Variants in ARHGEF4 observed in about 807,000 individuals in gnomAD.
ARHGEF4 encodes Rho guanine nucleotide exchange factor 4, also known as APC-stimulated guanine nucleotide exchange factor 1.
A neutral mutation model predicts 162.0 loss-of-function variants in ARHGEF4; 119 were observed. That is an observed-to-expected ratio of 0.73 (90% CI 0.63 to 0.86). The LOEUF is 0.86. Among genes scored for constraint, ARHGEF4 ranks in the 40% least tolerant of loss-of-function variants. The probability of loss-of-function intolerance (pLI) is 0.00; values close to 1 mark genes in which losing one functional copy is unlikely to be tolerated. For missense variants in ARHGEF4, 2,488 were observed against 2,456.0 expected (o/e 1.01, Z -0.28); for synonymous variants, 1,014 against 979.9 (o/e 1.03, Z -0.65).
intron 1 of ARHGEF4, among the ~76,000 whole-genome samples, chr2:130,856,466 G>C (rs1414575245): frequency 6.6e-6 from 1 of 152,192 alleles, no homozygotes; most frequent in East Asian, 1.9e-4. Context: ...TAGCAGATTT[G>C]CCTTGCAAGA....
At chr2:130,842,582 C>G (rs561659316) in intron 1 of ARHGEF4, among the ~76,000 whole-genome samples, 139 of 152,340 alleles carry the variant, frequency 9.1e-4, no homozygotes, top group African/African-American at 3.2e-3. Flanking sequence ...GTAGCAAGAG[C>G]TGTTTCTCCC....
At chr2:130,878,490 G>A (rs1679001731) in intron 1 of ARHGEF4, among the ~76,000 whole-genome samples, 1 of 152,218 alleles carries the variant, frequency 6.6e-6, no homozygotes, top group Admixed American at 6.5e-5. Context: ...TGTGTGAGCA[G>A]TGGGTTTGTA....
chr2:130,844,822 A>G (rs1680839833), intron 1 of ARHGEF4, among the ~76,000 whole-genome samples: 1 of 151,484 alleles, frequency 6.6e-6, no homozygotes, highest in African/African-American at 2.4e-5. Flanking sequence ...ATATATATAT[A>G]TGTATATATA....
intron 4 of ARHGEF4, among the ~76,000 whole-genome samples, chr2:130,978,488 A>G (rs1337297857): frequency 6.6e-6 from 1 of 152,180 alleles, no homozygotes; most frequent in African/African-American, 2.4e-5. Flanking sequence ...CTGTCCATAT[A>G]GATTCCCAAG....
At chr2:130,981,756 C>G (rs1686138207) in intron 4 of ARHGEF4, among the ~76,000 whole-genome samples, 1 of 152,032 alleles carries the variant, frequency 6.6e-6, no homozygotes, top group Non-Finnish European at 1.5e-5. Flanking sequence ...CAGTGTTACC[C>G]AGAGTCAAGA....
chr2:130,919,765 A>G (rs528154772), intron 2 of ARHGEF4, among the ~76,000 whole-genome samples: 19 of 152,028 alleles, frequency 1.2e-4, no homozygotes, highest in Non-Finnish European at 2.4e-4. Context: ...AATCCCAGCT[A>G]CTTGGGAGGC....
intron 4 of ARHGEF4, among the ~76,000 whole-genome samples, chr2:130,952,315 CT>C (rs1558762021): frequency 6.6e-6 from 1 of 152,058 alleles, no homozygotes; most frequent in Non-Finnish European, 1.5e-5. Context: ...GCCAAGATTT[CT>C]TTTTTAAAAA....
At chr2:130,925,350 A>G (rs1218974973) in intron 2 of ARHGEF4, among the ~76,000 whole-genome samples, 2 of 152,170 alleles carry the variant, frequency 1.3e-5, no homozygotes, top group African/African-American at 2.4e-5. Flanking sequence ...ATACCCACCA[A>G]TTTTTAGGTG....
chr2:130,940,781 G>A (rs540927375), intron 3 of ARHGEF4, among the ~76,000 whole-genome samples: 2 of 145,790 alleles, frequency 1.4e-5, no homozygotes, highest in South Asian at 2.2e-4. Flanking sequence ...GCAGTGAGCC[G>A]AGACTGCGCC....
intron 3 of ARHGEF4, among the ~76,000 whole-genome samples, chr2:130,932,087 T>C (rs931183313): frequency 1.3e-5 from 2 of 152,206 alleles, no homozygotes; most frequent in South Asian, 4.1e-4. Flanking sequence ...ACCCTGGAAA[T>C]ACTCATCTGC....
At chr2:130,934,919 A>T (rs1682846632) in intron 3 of ARHGEF4, among the ~76,000 whole-genome samples, 1 of 152,054 alleles carries the variant, frequency 6.6e-6, no homozygotes, top group Non-Finnish European at 1.5e-5. Context: ...ACATTATCTA[A>T]TCTGTTGATA....
chr2:130,906,394 G>A (rs1680814248), intron 1 of ARHGEF4, among the ~76,000 whole-genome samples: 1 of 152,112 alleles, frequency 6.6e-6, no homozygotes, highest in African/African-American at 2.4e-5. Flanking sequence ...CTATTGATCT[G>A]TGTGTGTGAA....
intron 4 of ARHGEF4, among the ~76,000 whole-genome samples, chr2:131,018,271 C>G (rs1246734458): frequency 6.6e-6 from 1 of 152,144 alleles, no homozygotes; most frequent in East Asian, 1.9e-4. Flanking sequence ...TTTGTAATGA[C>G]CATACTAAGG....
intron 1 of ARHGEF4, among the ~76,000 whole-genome samples, chr2:130,867,342 G>T (rs1682359394): frequency 6.6e-6 from 1 of 151,700 alleles, no homozygotes; most frequent in Non-Finnish European, 1.5e-5. Context: ...GGGTTCAAGT[G>T]ATTCTCCTGC....
rs1041327891 is a variant in ARHGEF4, at chr2:130,914,156, C to T, written c.210C>T (p.Pro70=). ...SESGSDTKTD[P]FESASDTESL... is the part of the protein sequence containing the mutation. ...GTGGATCAGACACAAAAACTGACCC[C>T]TTTGAAAGTGCCTCTGACACAGAGT... The change falls in exon 2 of 14, where the codon CCC becomes CCT. Residue 70 remains proline, a synonymous_variant. Coordinates refer to ENST00000409359, the MANE Select transcript of ARHGEF4 (RefSeq NM_001367493.1). The T allele has an allele frequency of 2.6e-6, 4 of 1,536,026 alleles. No homozygotes were observed. The African/African-American group carries it at 4.1e-5, about 16-fold the overall frequency.
chr2:130,873,197 C>T (rs899645901), intron 1 of ARHGEF4, among the ~76,000 whole-genome samples: 3 of 152,210 alleles, frequency 2.0e-5, no homozygotes, highest in African/African-American at 7.2e-5. Context: ...CATTATCTGT[C>T]AAATGGCGAT....
chr2:130,983,896 G>T (rs1008493856), intron 4 of ARHGEF4, among the ~76,000 whole-genome samples: 1 of 152,080 alleles, frequency 6.6e-6, no homozygotes, highest in Non-Finnish European at 1.5e-5. Flanking sequence ...TGATCTGCCC[G>T]CTTCGGCCTC....
intron 2 of ARHGEF4, among the ~76,000 whole-genome samples, chr2:130,920,917 A>G (rs934058668): frequency 2.6e-5 from 4 of 152,198 alleles, no homozygotes; most frequent in African/African-American, 9.7e-5. Flanking sequence ...GAACAGCATA[A>G]TACATAAATG....
In ARHGEF4 at chr2:130,914,868, C is replaced by G; in HGVS notation, c.922C>G (p.Arg308Gly). Reference sequence around the variant, plus strand: ...GACATCTTGCCTCCTACGCACCAACCGTCACCATAGTGCCCCAGAAACTAC... The same window carrying G: ...GACATCTTGCCTCCTACGCACCAACGGTCACCATAGTGCCCCAGAAACTAC... ...LRTSCLLRTN[R>G]HHSAPETTGD... The change falls in exon 2 of 14, where the codon CGT (arginine) becomes GGT (glycine). Residue 308 changes from arginine to glycine, a missense_variant. Physicochemically the swap from Arg to Gly is moderately radical, Grantham distance 125. Around this residue, in one of 6 missense-constraint regions of ARHGEF4, gnomAD observed 1,642 missense variants for 1,481.5 expected, o/e 1.11. Transcript: ENST00000409359. The G allele has an allele frequency of 6.7e-7, 1 of 1,484,224 alleles. No individual in the cohort carries two copies. The highest frequency in any genetic ancestry group is 1.4e-5 in the South Asian group (1 of 71,868). The allele number at this position is 1,484,224 out of a possible 1,614,324, so 91.9% of individuals were successfully genotyped here.
Sources: gnomAD v4.1 joint callset for allele counts (sites outside exome capture counted in the v4.1 genomes callset) on GRCh38, gnomAD v4.1.1 for gene constraint, gnomAD v4.1.1 regional missense constraint, MANE v1.5 for transcripts, NCBI Gene and HGNC (gene_info 2026-07-23, HGNC 2026-07-21) for gene names.